The following RGS6 variants were observed in gnomAD, a reference collection of about 807,000 sequenced individuals.
RGS6 encodes the protein regulator of G protein signaling 6.
Under a neutral mutation model 78.5 loss-of-function variants are expected in RGS6, and 30 were observed. The ratio of observed to expected loss-of-function variants is 0.38; its 90% CI spans 0.29 to 0.52. The LOEUF is 0.52. Among genes scored for constraint, RGS6 ranks in the 20% least tolerant of loss-of-function variants. The pLI, the probability that RGS6 is intolerant of heterozygous loss-of-function variation, is 0.85. For synonymous variants in RGS6, 206 were observed against 206.0 expected (o/e 1.00, Z 0.00); for missense variants, 495 against 609.7 (o/e 0.81, Z 1.98).
intron 2 of RGS6, among the ~76,000 whole-genome samples, chr14:72,182,435 A>AG (rs71448386): frequency 2.9e-5 from 4 of 139,488 alleles, no homozygotes; most frequent in African/African-American, 8.0e-5. Context: ...AAAAAAAAAA[A>AG]GCAAGCAAGA....
intron 2 of RGS6, among the ~76,000 whole-genome samples, chr14:71,975,555 A>C (rs1989628): frequency 0.077 from 11,738 of 151,860 alleles, 569 homozygotes; most frequent in East Asian, 0.21. Context: ...ACCTCCTGGA[A>C]TCAAGTGATT....
intron 3 of RGS6, among the ~76,000 whole-genome samples, chr14:72,433,168 G>A (rs141332194): frequency 8.1e-4 from 124 of 152,288 alleles, no homozygotes; most frequent in African/African-American, 2.9e-3. Flanking sequence ...TACTCCGCCT[G>A]TTTTCTGGAT....
the RGS6 span, among the ~76,000 whole-genome samples, chr14:71,919,561 A>G: frequency 3.1e-3 from 465 of 152,270 alleles, 5 homozygotes; most frequent in African/African-American, 0.011. Context: ...TTCCAGGAGT[A>G]GTCTGAACGT....
At chr14:72,458,184 G>T (rs2095682672) in intron 4 of RGS6, 87 bp from the exon 5 acceptor site, 1 of 973,602 alleles carries the variant, frequency 1.0e-6, no homozygotes, top group Non-Finnish European at 1.6e-6. Context: ...TGGGGGTGAT[G>T]ACAGTTGACT....
At chr14:72,004,728 G>A (rs188030831) in intron 2 of RGS6, among the ~76,000 whole-genome samples, 1 of 152,262 alleles carries the variant, frequency 6.6e-6, no homozygotes, top group East Asian at 1.9e-4. Context: ...AGGTGGCTGA[G>A]GTGAGAGAAT....
intron 2 of RGS6, among the ~76,000 whole-genome samples, chr14:72,250,988 C>A (rs1443392887): frequency 6.6e-6 from 1 of 152,126 alleles, no homozygotes; most frequent in Non-Finnish European, 1.5e-5. Context: ...AAATGAGGCT[C>A]ACAGAAAGGC....
chr14:72,141,204 A>G (rs1274023222), intron 2 of RGS6, among the ~76,000 whole-genome samples: 1 of 152,182 alleles, frequency 6.6e-6, no homozygotes, highest in African/African-American at 2.4e-5. Context: ...GAATCTGGTG[A>G]CATTGACACA....
At chr14:72,274,665 G>T (rs1230993829) in intron 2 of RGS6, among the ~76,000 whole-genome samples, 1 of 152,178 alleles carries the variant, frequency 6.6e-6, no homozygotes, top group Non-Finnish European at 1.5e-5. Flanking sequence ...ATCAATAAGA[G>T]GGTGACAGGA....
At chr14:72,289,115 A>T (rs1018827148) in intron 2 of RGS6, among the ~76,000 whole-genome samples, 1 of 152,170 alleles carries the variant, frequency 6.6e-6, no homozygotes, top group African/African-American at 2.4e-5. Context: ...AACTTTCCCT[A>T]CCTATGAAAT....
intron 17 of RGS6, among the ~76,000 whole-genome samples, chr14:72,553,532 G>C (rs1424704457): frequency 1.3e-5 from 2 of 152,112 alleles, no homozygotes; most frequent in Admixed American, 6.5e-5. Context: ...TGGTGTCTCT[G>C]TTTTTTCTGC....
chr14:72,273,196 G>T (rs2060206118), intron 2 of RGS6, among the ~76,000 whole-genome samples: 8 of 152,120 alleles, frequency 5.3e-5, no homozygotes, highest in Admixed American at 5.2e-4. Flanking sequence ...AATTGAAAGT[G>T]AGCATTCCAC....
At chr14:72,362,813 T>C (rs2081710642) in intron 3 of RGS6, among the ~76,000 whole-genome samples, 1 of 152,066 alleles carries the variant, frequency 6.6e-6, no homozygotes, top group African/African-American at 2.4e-5. Context: ...AGTGGCAACA[T>C]CATGTTGACA....
chr14:72,029,297 T>G (rs2090448886), intron 2 of RGS6, among the ~76,000 whole-genome samples: 1 of 152,228 alleles, frequency 6.6e-6, no homozygotes, highest in African/African-American at 2.4e-5. Flanking sequence ...GTGGCCTTGC[T>G]GAGGAGTGAT....
rs370703670 is a variant in RGS6 at position 72,383,943 on chromosome 14, A to G, written c.184+31749A>G. On this transcript the variant is annotated intron_variant, in intron 3 of 17. Transcript: ENST00000553525. The stretch of plus-strand genomic sequence containing the variant: ...GAAATTATTTTGTTGATCTAAGAGT[A>G]CTGAATTGCTACAGTTACTTTTGCA... Among the ~76,000 whole-genome samples, 7 of 152,240 alleles carry G rather than the reference A, an allele frequency of 4.6e-5. No individual in the cohort carries two copies. In the East Asian group the frequency reaches 7.7e-4, roughly 17 times the overall value.
At chr14:72,352,014 A>C (rs2079187779) in intron 2 of RGS6, 81 bp from the exon 3 acceptor site, 1 of 965,266 alleles carries the variant, frequency 1.0e-6, no homozygotes, top group African/African-American at 1.7e-5. Flanking sequence ...CCATGTTTAT[A>C]CATTTGGGCT....
chr14:71,945,489 G>A (rs12897929), intron 1 of RGS6, among the ~76,000 whole-genome samples: 44,508 of 152,092 alleles, frequency 0.29, 6,936 homozygotes, highest in Admixed American at 0.36. Context: ...CTTCCACAAT[G>A]GTAACAAGTT....
At chr14:72,177,954 C>G (rs530355022) in intron 2 of RGS6, among the ~76,000 whole-genome samples, 13 of 152,336 alleles carry the variant, frequency 8.5e-5, no homozygotes, top group African/African-American at 2.9e-4. Flanking sequence ...CCTTCAAGGG[C>G]AGTGGCTGAG....
At chr14:72,029,114 TG>T (rs1290949130) in intron 2 of RGS6, among the ~76,000 whole-genome samples, 4 of 152,240 alleles carry the variant, frequency 2.6e-5, no homozygotes, top group African/African-American at 9.6e-5. Context: ...GCAGGACACT[TG>T]TAAACACTAT....
At chr14:71,975,790 A>G (rs1026697152) in intron 2 of RGS6, among the ~76,000 whole-genome samples, 27 of 152,086 alleles carry the variant, frequency 1.8e-4, no homozygotes, top group African/African-American at 6.5e-4. Flanking sequence ...AACTTTTCAA[A>G]TATTGTTTAT....
Sources: allele counts gnomAD v4.1 joint callset (sites outside exome capture counted in the v4.1 genomes callset), GRCh38; gene constraint gnomAD v4.1.1; transcripts MANE v1.5; gene names NCBI Gene and HGNC (gene_info 2026-07-23, HGNC 2026-07-21).